Variants in ZNF232 observed in about 807,000 individuals in gnomAD.
ZNF232 encodes zinc finger and SCAN domain-containing protein 11.
Under a neutral mutation model 25.2 loss-of-function variants are expected in ZNF232, and 25 were observed. The ratio of observed to expected loss-of-function variants is 0.99; its 90% confidence interval spans 0.72 to 1.39. The LOEUF is 1.39. ZNF232 is among the 40% of genes most tolerant of loss of function. The pLI is 0.00. For missense variants in ZNF232, 519 were observed against 520.9 expected (o/e 1.00, Z 0.04); for synonymous variants, 193 against 182.9 (o/e 1.06, Z -0.45).
intron 1 of ZNF232, among the ~76,000 whole-genome samples, chr17:5,121,924 G>A (rs2072680639): frequency 6.6e-6 from 1 of 152,190 alleles, no homozygotes; most frequent in African/African-American, 2.4e-5. Flanking sequence ...AGCCTTGAAT[G>A]CCAAGTTAAA....
At chr17:5,120,379 G>A (rs774896995) in intron 1 of ZNF232, among the ~76,000 whole-genome samples, 13 of 152,178 alleles carry the variant, frequency 8.5e-5, no homozygotes, top group Admixed American at 2.0e-4. Context: ...AGCACTTGTT[G>A]GGGATGGGTG....
chr17:5,106,551 T>C lies in ZNF232; in HGVS notation c.626-45A>G, dbSNP rs1355343972. ...TACCTGTTCTGGATGTATGAAGAAA[T>C]GACACTTAGATTAAAATGTATATTT... On this transcript the variant is annotated intron_variant, in intron 3 of 3. Coordinates refer to ENST00000575898, the Ensembl canonical transcript of ZNF232. 6.4e-7 allele frequency: 1 copy of C among 1,555,828 alleles called. No homozygotes were observed. Among genetic ancestry groups the C allele is most frequent in the South Asian group, 1.2e-5 (1 of 83,186 alleles).
intron 3 of ZNF232, among the ~76,000 whole-genome samples, chr17:5,107,331 T>C (rs2072283640): frequency 7.9e-6 from 1 of 126,622 alleles, no homozygotes; most frequent in African/African-American, 3.1e-5. Context: ...GAGCTTGCAG[T>C]GAGCCGAGAT....
exon 2 of ZNF232, chr17:5,109,556 T>C (rs904148560): frequency 1.9e-6 from 3 of 1,614,212 alleles, no homozygotes. Context: ...CCTTCGTGTG[T>C]TTCTCTGGCC....
intron 3 of ZNF232, among the ~76,000 whole-genome samples, chr17:5,107,407 A>C (rs955991756): frequency 6.6e-6 from 1 of 150,978 alleles, no homozygotes; most frequent in African/African-American, 2.4e-5. Context: ...AAAAAAAAAA[A>C]AAAAAAAAAA....
upstream of ZNF232, chr17:5,116,510 G>GCCTGT (rs2143676014): frequency 6.6e-6 from 1 of 152,486 alleles, no homozygotes; most frequent in African/African-American, 2.4e-5. Context: ...AAAGGCCAGT[G>GCCTGT]CCTGTCCGGG....
At chr17:5,118,820 G>A (rs562237027) in intron 1 of ZNF232, among the ~76,000 whole-genome samples, 41 of 152,296 alleles carry the variant, frequency 2.7e-4, no homozygotes, top group Non-Finnish European at 4.9e-4. Flanking sequence ...ATTTCTTCCC[G>A]AAAGTCTGGC....
chr17:5,111,701 G>T, intron 1 of ZNF232, 99 bp downstream of exon 1: 1 of 1,589,880 alleles, frequency 6.3e-7, no homozygotes, highest in South Asian at 1.1e-5. Flanking sequence ...CCGCGGAGCT[G>T]CCTGCCAGGC....
upstream of ZNF232, chr17:5,112,418 T>C (rs956399699): frequency 6.6e-6 from 1 of 151,120 alleles, no homozygotes; most frequent in African/African-American, 2.4e-5. Flanking sequence ...ATGGGGGAAA[T>C]AGGGGTTGGT....
At chr17:5,112,053 G>C (rs1360401576), upstream of ZNF232, 2 of 618,822 alleles carry the variant, frequency 3.2e-6, no homozygotes, top group South Asian at 2.1e-5. Flanking sequence ...GACTGGACTG[G>C]AGCGGCCGGG....
chr17:5,108,646 GCTCT>G, intron 3 of ZNF232: 1 of 332,632 alleles, frequency 3.0e-6, no homozygotes, highest in South Asian at 3.5e-5. Flanking sequence ...CTGATTTAGG[GCTCT>G]CTAAAGTTAA....
exon 2 of ZNF232, chr17:5,109,863 G>A (rs746876500): frequency 5.6e-6 from 9 of 1,599,334 alleles, no homozygotes; most frequent in Non-Finnish European, 7.7e-6. Flanking sequence ...ATCTTGCAAG[G>A]GCCCCCTGTA....
At chr17:5,109,837 G>A (rs2072354780) in exon 2 of ZNF232, 3 of 1,611,938 alleles carry the variant, frequency 1.9e-6, no homozygotes, top group Non-Finnish European at 2.5e-6. Context: ...TCTGCAGAAG[G>A]CTCATACCAG....
chr17:5,113,599 C>G (rs1166757633), upstream of ZNF232: 1 of 152,232 alleles, frequency 6.6e-6, no homozygotes, highest in African/African-American at 2.4e-5. Context: ...GCTTCTGTAT[C>G]TAATTTTGCT....
At chr17:5,115,555 A>AACACACACACACACAC (rs61171102), upstream of ZNF232, among the ~76,000 whole-genome samples, 9,473 of 148,654 alleles carry the variant, frequency 0.064, 725 homozygotes, top group East Asian at 0.31. Context: ...CGTCTCCAAA[A>AACACACACACACACAC]ACACACACAC....
intron 1 of ZNF232, chr17:5,111,433 G>C (rs980740307): frequency 2.9e-6 from 1 of 349,432 alleles, no homozygotes; most frequent in African/African-American, 2.1e-5. Context: ...CGCGGAGCTC[G>C]CGTCTCCCAG....
intron 1 of ZNF232, among the ~76,000 whole-genome samples, chr17:5,120,443 C>A (rs1284544189): frequency 6.6e-6 from 1 of 152,120 alleles, no homozygotes; most frequent in African/African-American, 2.4e-5. Context: ...ATATTCATAG[C>A]CCTGTATGTT....
intron 2 of ZNF232, 68 bp downstream of exon 2, chr17:5,109,326 G>A: frequency 6.3e-7 from 1 of 1,586,818 alleles, no homozygotes; most frequent in Non-Finnish European, 8.7e-7. Flanking sequence ...TCCCCCTACA[G>A]CTGCCCCTCG....
Position 5,107,206 on chromosome 17 carries a change from G to A in ZNF232, c.626-700C>T, listed in dbSNP as rs564591161. 5.7e-4 allele frequency among the ~76,000 whole-genome samples: 86 copies of A among 151,728 alleles called. 1 individual carries two copies. Among genetic ancestry groups the A allele is most frequent in the Non-Finnish European group, 8.0e-4 (54 of 67,922 alleles). ...GATCGAGACCATCCTGGCCAACACG[G>A]TGAAACCCCGTCTCTACTAAAAATA... On this transcript the variant is annotated intron_variant, in intron 3 of 3. Transcript: ENST00000575898.
Sources: gnomAD v4.1 joint callset for allele counts (sites outside exome capture counted in the v4.1 genomes callset) on GRCh38, gnomAD v4.1.1 for gene constraint, MANE v1.5 for transcripts, NCBI Gene and HGNC (gene_info 2026-07-23, HGNC 2026-07-21) for gene names.